SYT14: variants seen among roughly 807,000 people sequenced by gnomAD.
SYT14 encodes the protein synaptotagmin 14.
In SYT14, 32 loss-of-function variants were observed where a neutral mutation model predicts 74.2. That is an observed-to-expected ratio of 0.43 (90% CI 0.33 to 0.58). SYT14 has a LOEUF of 0.58. Ranked by LOEUF, SYT14 falls within the 20% of genes least tolerant of loss-of-function variation. The pLI is 0.05. For synonymous variants in SYT14, 298 were observed against 337.7 expected (o/e 0.88, Z 1.29); for missense variants, 791 against 981.8 (o/e 0.81, Z 2.60).
At chr1:210,094,379 C>T (rs1405289092) in exon 6 of SYT14, 16 of 1,613,970 alleles carry the variant, frequency 9.9e-6, no homozygotes, top group Non-Finnish European at 1.4e-5. Flanking sequence ...CAGCCACCAC[C>T]ATATCAGGAT....
Position 210,013,087 on chromosome 1 carries a change from C to CT in SYT14, c.-485-532dup, listed in dbSNP as rs550149038. On this transcript the variant is annotated intron_variant, in intron 2 of 9. Transcript: ENST00000637265. Reference sequence around the variant, plus strand: ...GATTGCCTATTTTATAGACTCCTGTCTTTTTTTTTTTTTTAGACAGTTTTG... The same window carrying CT: ...GATTGCCTATTTTATAGACTCCTGTCTTTTTTTTTTTTTTTAGACAGTTTTG... Among the ~76,000 whole-genome samples, 2,585 of 139,590 alleles carry CT rather than the reference C, an allele frequency of 0.019. 168 individuals carry two copies. In the East Asian group the frequency reaches 0.24, roughly 13 times the overall value. The allele number at this position is 139,590 out of a possible 152,430, so 91.6% of individuals were successfully genotyped here.
intron 7 of SYT14, among the ~76,000 whole-genome samples, chr1:210,106,732 C>A (rs2082164987): frequency 6.6e-6 from 1 of 152,146 alleles, no homozygotes; most frequent in African/African-American, 2.4e-5. Context: ...AACTACAATC[C>A]AAGGTGAGAC....
At chr1:210,135,263 T>C (rs1326227333) in intron 7 of SYT14, among the ~76,000 whole-genome samples, 1 of 152,212 alleles carries the variant, frequency 6.6e-6, no homozygotes. Context: ...ATTACAGGCA[T>C]GAGCCACCGC....
chr1:209,942,275 G>A (rs1048881039), intron 1 of SYT14, among the ~76,000 whole-genome samples: 35 of 150,814 alleles, frequency 2.3e-4, no homozygotes, highest in African/African-American at 8.6e-4. Flanking sequence ...GGATGTCCTC[G>A]GCAATCCAAA....
chr1:209,984,549 C>G (rs1011105908), intron 2 of SYT14, among the ~76,000 whole-genome samples: 7 of 151,940 alleles, frequency 4.6e-5, no homozygotes, highest in African/African-American at 1.7e-4. Context: ...ACACTGTATT[C>G]TTTTTGTTGT....
At chr1:209,952,895 T>C in intron 2 of SYT14, 139 bp downstream of exon 2, 1 of 1,077,196 alleles carries the variant, frequency 9.3e-7, no homozygotes, top group Non-Finnish European at 1.4e-6. Context: ...CTTACAGACT[T>C]AAGCATTAGT....
chr1:210,100,237 A>AC lies in SYT14; in HGVS notation c.1812dup (p.Ser605GlnfsTer15). ...ACCTATAAAGAAACAGAGAGCAAAA[A>AC]CCAGCATCCAGAGAGGACCATGCCC... On this transcript the variant is annotated frameshift_variant, in exon 7 of 10. Coordinates refer to ENST00000637265, the Ensembl canonical transcript of SYT14. LOFTEE classifies it high-confidence loss of function. 2 of 1,614,100 alleles carry AC rather than the reference A, an allele frequency of 1.2e-6. No homozygotes were observed. Among genetic ancestry groups the AC allele is most frequent in the Non-Finnish European group, 1.7e-6 (2 of 1,179,992 alleles).
chr1:209,958,662 G>A (rs908232280), intron 2 of SYT14, among the ~76,000 whole-genome samples: 1 of 152,114 alleles, frequency 6.6e-6, no homozygotes, highest in Non-Finnish European at 1.5e-5. Flanking sequence ...TAAGGGAAAT[G>A]CAATTAACTT....
chr1:210,139,265 C>CTTTTTTTTTTTTTTTTTTTT (rs960923188), intron 7 of SYT14, among the ~76,000 whole-genome samples: 2 of 95,858 alleles, frequency 2.1e-5, no homozygotes, highest in Non-Finnish European at 4.0e-5. Context: ...TTTCTTTTTT[C>CTTTTTTTTTTTTTTTTTTTT]TTTTTTTTTT....
intron 5 of SYT14, among the ~76,000 whole-genome samples, chr1:210,027,004 G>A (rs2080427426): frequency 6.6e-6 from 1 of 151,966 alleles, no homozygotes; most frequent in South Asian, 2.1e-4. Flanking sequence ...GGAGTTAGAG[G>A]CACTGATCCC....
chr1:210,125,999 T>C (rs1022559806), intron 7 of SYT14, among the ~76,000 whole-genome samples: 1 of 152,122 alleles, frequency 6.6e-6, no homozygotes, highest in East Asian at 1.9e-4. Flanking sequence ...GGTCAGGAGA[T>C]CGAGATCATC....
At chr1:210,056,818 G>A (rs2081107308) in intron 5 of SYT14, among the ~76,000 whole-genome samples, 1 of 142,182 alleles carries the variant, frequency 7.0e-6, no homozygotes. Flanking sequence ...TTTTTTGAAA[G>A]CTTCCAGTTG....
chr1:210,039,281 C>G lies in SYT14; in HGVS notation c.1312+18027C>G, dbSNP rs138711126. On this transcript the variant is annotated intron_variant, in intron 5 of 9. Transcript: ENST00000637265. ...TTGGGACACTCAGATTGGTGAGACA[C>G]TGCTGTCTAGCCTGCAGTGTAGCCA... is the stretch of plus-strand genomic sequence containing the variant. 9.6e-3 allele frequency among the ~76,000 whole-genome samples: 1,467 copies of G among 152,156 alleles called. 14 individuals carry two copies. Among genetic ancestry groups the G allele is most frequent in the Non-Finnish European group, 0.014 (957 of 67,992 alleles).
chr1:210,117,389 C>A (rs760902064), intron 7 of SYT14, among the ~76,000 whole-genome samples: 3 of 152,056 alleles, frequency 2.0e-5, no homozygotes, highest in Non-Finnish European at 4.4e-5. Context: ...GTATAATTCA[C>A]AACTACCATT....
rs531328829 is a variant in SYT14 at position 209,993,925 on chromosome 1, C to T, written c.-485-19708C>T. 1.5e-3 allele frequency among the ~76,000 whole-genome samples: 224 copies of T among 152,284 alleles called. 1 individual carries two copies. Among genetic ancestry groups the T allele is most frequent in the African/African-American group, 5.1e-3 (213 of 41,560 alleles). On this transcript the variant is annotated intron_variant, in intron 2 of 9. Coordinates refer to ENST00000637265, the Ensembl canonical transcript of SYT14. ...CACCAAAAATCTGCTGATATATACA[C>T]CTGTGAAACCAAGTGCAAGTGTTTA...
chr1:209,979,463 T>C (rs2079440318), intron 2 of SYT14, among the ~76,000 whole-genome samples: 1 of 151,966 alleles, frequency 6.6e-6, no homozygotes, highest in Non-Finnish European at 1.5e-5. Context: ...AACTTTTAAG[T>C]TTAGGGGTAC....
chr1:209,988,445 G>A (rs919971682), intron 2 of SYT14, among the ~76,000 whole-genome samples: 1 of 151,904 alleles, frequency 6.6e-6, no homozygotes, highest in Non-Finnish European at 1.5e-5. Flanking sequence ...TTTCTGCTAG[G>A]TTTTTTTCAT....
chr1:210,022,804 G>A (rs911461342), intron 5 of SYT14, among the ~76,000 whole-genome samples: 3 of 152,140 alleles, frequency 2.0e-5, no homozygotes, highest in African/African-American at 4.8e-5. Context: ...CCCTGAGTGT[G>A]CATTCCCTTT....
At chr1:210,121,892 G>T (rs1397220531) in intron 7 of SYT14, among the ~76,000 whole-genome samples, 2 of 151,822 alleles carry the variant, frequency 1.3e-5, no homozygotes, top group African/African-American at 4.8e-5. Context: ...TTATTTTCAG[G>T]CATGCGTAGT....
Sources: gnomAD v4.1 joint callset for allele counts (sites outside exome capture counted in the v4.1 genomes callset) on GRCh38, gnomAD v4.1.1 for gene constraint, MANE v1.5 for transcripts, NCBI Gene and HGNC (gene_info 2026-07-23, HGNC 2026-07-21) for gene names.